Variants in IQCJ observed in about 807,000 individuals in gnomAD.
IQCJ encodes the protein IQ motif containing J, also known as IQ domain-containing protein J.
Under a neutral mutation model 11.0 loss-of-function variants are expected in IQCJ, and 9 were observed. The ratio of observed to expected loss-of-function variants is 0.82; its 90% confidence interval spans 0.49 to 1.43. The LOEUF (loss-of-function observed/expected upper bound fraction) is 1.43. IQCJ is among the 40% of genes most tolerant of loss of function. The pLI, the probability that IQCJ is intolerant of heterozygous loss-of-function variation, is 0.00. For missense variants in IQCJ, 146 were observed against 133.2 expected (o/e 1.10, Z -0.47); for synonymous variants, 55 against 51.3 (o/e 1.07, Z -0.31).
At chr3:159,197,396 G>A (rs1724051291) in intron 1 of IQCJ, among the ~76,000 whole-genome samples, 1 of 152,066 alleles carries the variant, frequency 6.6e-6, no homozygotes, top group Non-Finnish European at 1.5e-5. Context: ...TATTGCTCTA[G>A]TTTTTAACTA....
chr3:159,179,683 G>A (rs1255969236), intron 1 of IQCJ, among the ~76,000 whole-genome samples: 4 of 152,150 alleles, frequency 2.6e-5, no homozygotes, highest in Non-Finnish European at 4.4e-5. Flanking sequence ...AAAAGAGACT[G>A]ACAATAGCTA....
chr3:159,225,711 G>A lies in IQCJ; in HGVS notation c.10-20132G>A, dbSNP rs556951962. Among the ~76,000 whole-genome samples, 164 of 150,576 alleles carry A rather than the reference G, an allele frequency of 1.1e-3. 1 individual carries two copies. Among genetic ancestry groups the A allele is most frequent in the Middle Eastern group, 0.01 (3 of 292 alleles). ...TCCAGTTCTCTGTGGACACCAACTC[G>A]GTTCATTCAATTCACCAACTGGGTG... On this transcript the variant is annotated intron_variant, in intron 1 of 3. Coordinates refer to ENST00000397832, the MANE Select transcript of IQCJ (RefSeq NM_001042706.3).
At chr3:159,229,386 A>C (rs1726055693) in intron 1 of IQCJ, among the ~76,000 whole-genome samples, 1 of 152,030 alleles carries the variant, frequency 6.6e-6, no homozygotes, top group African/African-American at 2.4e-5. Context: ...CTGAATGTCA[A>C]AATGTTTAAG....
intron 1 of IQCJ, among the ~76,000 whole-genome samples, chr3:159,174,938 T>C (rs925015669): frequency 6.6e-6 from 1 of 152,188 alleles, no homozygotes; most frequent in Admixed American, 6.5e-5. Flanking sequence ...GCTGTGAACA[T>C]TGTCAGCTTT....
chr3:159,112,120 TATG>T (rs1441955380), intron 1 of IQCJ, among the ~76,000 whole-genome samples: 1 of 152,184 alleles, frequency 6.6e-6, no homozygotes, highest in Non-Finnish European at 1.5e-5. Context: ...ATCCTCATGA[TATG>T]AGGACAGCCC....
chr3:159,235,518 C>G (rs1309513500), intron 1 of IQCJ, among the ~76,000 whole-genome samples: 1 of 152,184 alleles, frequency 6.6e-6, no homozygotes, highest in East Asian at 1.9e-4. Flanking sequence ...TCCTGTCTAA[C>G]AATCCTGGAT....
chr3:159,214,662 A>G (rs1219949779), intron 1 of IQCJ, among the ~76,000 whole-genome samples: 1 of 152,186 alleles, frequency 6.6e-6, no homozygotes, highest in Non-Finnish European at 1.5e-5. Flanking sequence ...TCCCAGCCCT[A>G]TAACATAGGC....
At chr3:159,127,377 T>C (rs1719736752) in intron 1 of IQCJ, among the ~76,000 whole-genome samples, 1 of 152,184 alleles carries the variant, frequency 6.6e-6, no homozygotes, top group African/African-American at 2.4e-5. Flanking sequence ...TCTTTCTGCC[T>C]CCAAGTTTAC....
chr3:159,263,911 G>C (rs764456101), downstream of IQCJ, among the ~76,000 whole-genome samples: 1 of 152,160 alleles, frequency 6.6e-6, no homozygotes, highest in Non-Finnish European at 1.5e-5. Flanking sequence ...TATCCTAACT[G>C]ACCTCACTAT....
chr3:159,103,461 G>A lies in IQCJ; in HGVS notation c.9+34020G>A, dbSNP rs547090653. Among the ~76,000 whole-genome samples the A allele has an allele frequency of 7.2e-5, 11 of 152,286 alleles. 1 individual carries two copies. The highest frequency in any genetic ancestry group is 2.4e-4 in the African/African-American group (10 of 41,568). On this transcript the variant is annotated intron_variant, in intron 1 of 3. Transcript: ENST00000397832. ...ACTAAATTAAACACAAAATGGAGTT[G>A]TCATAACTTATGGCTTGAATTAAGG...
intron 1 of IQCJ, among the ~76,000 whole-genome samples, chr3:159,189,861 T>G (rs1026723826): frequency 1.3e-5 from 2 of 152,206 alleles, no homozygotes; most frequent in African/African-American, 2.4e-5. Context: ...GTCCTAACTG[T>G]TCTTTCCCCT....
At chr3:159,180,626 T>C (rs991935787) in intron 1 of IQCJ, among the ~76,000 whole-genome samples, 1 of 151,944 alleles carries the variant, frequency 6.6e-6, no homozygotes, top group Non-Finnish European at 1.5e-5. Context: ...CAAAAACATG[T>C]AGTATGTTAA....
chr3:159,192,764 C>T (rs900379118), intron 1 of IQCJ, among the ~76,000 whole-genome samples: 5 of 152,204 alleles, frequency 3.3e-5, no homozygotes, highest in African/African-American at 1.2e-4. Flanking sequence ...CTGGACAACA[C>T]ACCACAGCAT....
At chr3:159,254,828 T>C (rs527420252) in intron 3 of IQCJ, among the ~76,000 whole-genome samples, 7 of 152,318 alleles carry the variant, frequency 4.6e-5, no homozygotes, top group South Asian at 2.1e-4. Context: ...ACTTTCACTC[T>C]CAGCAGTTGT....
At chr3:159,261,694 A>T (rs1330921658) in intron 3 of IQCJ, among the ~76,000 whole-genome samples, 1 of 152,220 alleles carries the variant, frequency 6.6e-6, no homozygotes, top group Non-Finnish European at 1.5e-5. Flanking sequence ...TCATAGCAGC[A>T]TGAAAACGGA....
chr3:159,125,189 C>G (rs1191667799), intron 1 of IQCJ, among the ~76,000 whole-genome samples: 7 of 152,122 alleles, frequency 4.6e-5, no homozygotes, highest in Non-Finnish European at 4.4e-5. Context: ...GGTGTGTTAC[C>G]TCTGTGATCT....
intron 1 of IQCJ, among the ~76,000 whole-genome samples, chr3:159,155,861 AC>A (rs1721491505): frequency 6.6e-6 from 1 of 152,248 alleles, no homozygotes; most frequent in Non-Finnish European, 1.5e-5. Flanking sequence ...AATGCATATT[AC>A]CATGTTATGT....
intron 1 of IQCJ, among the ~76,000 whole-genome samples, chr3:159,110,263 A>C (rs1240643908): frequency 6.6e-6 from 1 of 152,202 alleles, no homozygotes; most frequent in Non-Finnish European, 1.5e-5. Context: ...TCTCTTGTGA[A>C]GATTGAATGA....
At chr3:159,250,534 A>G (rs1307229406) in intron 2 of IQCJ, among the ~76,000 whole-genome samples, 2 of 152,202 alleles carry the variant, frequency 1.3e-5, no homozygotes, top group Non-Finnish European at 2.9e-5. Context: ...ATTAACTCAC[A>G]TTTCCACATG....
Sources: gnomAD v4.1 joint callset for allele counts (sites outside exome capture counted in the v4.1 genomes callset) on GRCh38, gnomAD v4.1.1 for gene constraint, MANE v1.5 for transcripts, NCBI Gene and HGNC (gene_info 2026-07-23, HGNC 2026-07-21) for gene names.